The following EPAS1 variants were observed in gnomAD, a reference collection of about 807,000 sequenced individuals.
EPAS1 encodes endothelial PAS domain protein 1, also known as endothelial PAS domain-containing protein 1.
Under a neutral mutation model 87.9 loss-of-function variants are expected in EPAS1, and 23 were observed. That is an observed-to-expected ratio of 0.26 (90% CI 0.19 to 0.37). The LOEUF (loss-of-function observed/expected upper bound fraction) is 0.37. Ranked by LOEUF, EPAS1 falls within the 10% of genes least tolerant of loss-of-function variation. EPAS1 has a pLI of 1.00. For synonymous variants in EPAS1, 508 were observed against 444.3 expected (o/e 1.14, Z -1.80); for missense variants, 1,138 against 1,120.7 (o/e 1.02, Z -0.22).
At chr2:46,362,977 AGTGGTGGTGGTGGTGGTGGTGGTGGTG>A (rs75642579) in intron 6 of EPAS1, among the ~76,000 whole-genome samples, 15 of 104,338 alleles carry the variant, frequency 1.4e-4, no homozygotes, top group Non-Finnish European at 2.5e-4. Context: ...TGGTGGTGGT[AGTGGTGGTGGTGGTGGTGGTGGTGGTG>A]GTGGTGGTGG....
chr2:46,386,391 A>G lies in EPAS1; in HGVS notation c.*1731A>G, dbSNP rs183365220. The G allele has an allele frequency of 6.5e-6, 1 of 152,674 alleles. No individual in the cohort carries two copies. The allele number at this position is 152,674 out of a possible 1,614,324, so 9.5% of individuals were successfully genotyped here. On this transcript the variant is annotated 3_prime_UTR_variant, in exon 16 of 16. Transcript: ENST00000263734. ...CCTTAGTCATGGTGTTGCGTAAATC[A>G]TATTTTAGCTGCACGGCATTACCCC...
chr2:46,381,191 C>T, intron 12 of EPAS1: 3 of 363,476 alleles, frequency 8.3e-6, no homozygotes, highest in East Asian at 7.0e-5. Flanking sequence ...ATTTCACCAG[C>T]TGCGAGCTCA....
At chr2:46,355,812 G>C (rs1684257561) in intron 2 of EPAS1, among the ~76,000 whole-genome samples, 1 of 152,230 alleles carries the variant, frequency 6.6e-6, no homozygotes. Context: ...TCTGGGACAA[G>C]AGCTGAGTCT....
At chr2:46,361,153 T>C (rs1274720904) in intron 6 of EPAS1, 63 bp downstream of exon 6, 1 of 1,554,266 alleles carries the variant, frequency 6.4e-7, no homozygotes. Context: ...GTGTGGGGAG[T>C]TGTGCCTGTA....
intron 1 of EPAS1, among the ~76,000 whole-genome samples, chr2:46,301,427 A>G (rs1351183243): frequency 6.6e-6 from 1 of 152,020 alleles, no homozygotes; most frequent in South Asian, 2.1e-4. Context: ...ACACAAAAAA[A>G]TTAGCCGGGC....
chr2:46,334,721 A>G (rs1346957227), intron 1 of EPAS1, among the ~76,000 whole-genome samples: 1 of 152,266 alleles, frequency 6.6e-6, no homozygotes, highest in African/African-American at 2.4e-5. Context: ...AGCAGAGGGA[A>G]TAAGCCATTG....
intron 10 of EPAS1, among the ~76,000 whole-genome samples, chr2:46,378,332 G>A (rs1684804029): frequency 6.6e-6 from 1 of 152,208 alleles, no homozygotes; most frequent in Non-Finnish European, 1.5e-5. Context: ...CCCCATACAG[G>A]GCAGTAACAT....
intron 1 of EPAS1, among the ~76,000 whole-genome samples, chr2:46,327,463 G>C (rs1037768161): frequency 6.6e-6 from 1 of 152,128 alleles, no homozygotes; most frequent in East Asian, 1.9e-4. Flanking sequence ...CTAATGTTTA[G>C]AACCACAGAG....
chr2:46,335,557 A>G (rs561403209), intron 1 of EPAS1: 1 of 151,932 alleles, frequency 6.6e-6, no homozygotes, highest in African/African-American at 2.4e-5. Flanking sequence ...ATTTTTTCTA[A>G]TGTTATTACC....
chr2:46,356,041 A>G, intron 2 of EPAS1, 110 bp from the exon 3 acceptor site: 2 of 1,232,280 alleles, frequency 1.6e-6, no homozygotes, highest in South Asian at 1.2e-5. Context: ...CGTTTCCAGA[A>G]AAGTCCACCC....
At chr2:46,334,903 T>C (rs78211299) in intron 1 of EPAS1, among the ~76,000 whole-genome samples, 6,591 of 152,216 alleles carry the variant, frequency 0.043, 471 homozygotes, top group African/African-American at 0.15. Flanking sequence ...GAGGGCAGAA[T>C]TGGGGGAAAG....
chr2:46,298,901 C>G (rs1682939950), intron 1 of EPAS1, among the ~76,000 whole-genome samples: 1 of 152,230 alleles, frequency 6.6e-6, no homozygotes, highest in Non-Finnish European at 1.5e-5. Flanking sequence ...TGTCCCCTTT[C>G]TCCTCCTGTC....
Position 46,385,526 on chromosome 2 carries a change from T to C in EPAS1, c.*866T>C, listed in dbSNP as rs1684999163. 1 of 152,234 alleles carries C rather than the reference T, an allele frequency of 6.6e-6. No homozygotes were observed. Among genetic ancestry groups the C allele is most frequent in the African/African-American group, 2.4e-5 (1 of 41,456 alleles). 9.4% of individuals were successfully genotyped at this position (152,234 alleles called of 1,614,324 possible). A position where few individuals can be genotyped will look rare whatever the true frequency, so the allele number is the denominator to read the frequency against. On this transcript the variant is annotated 3_prime_UTR_variant, in exon 16 of 16. Transcript: ENST00000263734. ...TAATTTTTCTTAGTGTTGTGGACAC[T>C]GCAGACTTGTCCAGTGCTCCCACGG...
chr2:46,368,290 G>A (rs1455435781), intron 6 of EPAS1, among the ~76,000 whole-genome samples: 1 of 152,112 alleles, frequency 6.6e-6, no homozygotes, highest in Non-Finnish European at 1.5e-5. Context: ...GTCAGGGCTT[G>A]GAGAAGAGGG....
intron 1 of EPAS1, among the ~76,000 whole-genome samples, chr2:46,309,327 G>C (rs1683169254): frequency 6.6e-6 from 1 of 152,214 alleles, no homozygotes; most frequent in Admixed American, 6.5e-5. Flanking sequence ...GATGGACCCT[G>C]CACTCAGGAT....
In EPAS1 at chr2:46,329,033, A is replaced by C. The variant is rs374559749; in HGVS notation, c.27-17840A>C. On this transcript the variant is annotated intron_variant, in intron 1 of 15. Coordinates refer to ENST00000263734, the MANE Select transcript of EPAS1 (RefSeq NM_001430.5). Reference sequence around the variant, plus strand: ...CTAATGAGCCTCTGGGAAAGTGCTCACCTTTGAACTTGGCCAAGGATTATG... The same window carrying C: ...CTAATGAGCCTCTGGGAAAGTGCTCCCCTTTGAACTTGGCCAAGGATTATG... Among the ~76,000 whole-genome samples the C allele has an allele frequency of 4.6e-5, 7 of 152,246 alleles. No homozygotes were observed. The East Asian group carries it at 7.7e-4, about 17-fold the overall frequency.
At chr2:46,354,291 T>A (rs1684224829) in intron 2 of EPAS1, among the ~76,000 whole-genome samples, 1 of 152,222 alleles carries the variant, frequency 6.6e-6, no homozygotes, top group African/African-American at 2.4e-5. Context: ...TCCTTTTAGT[T>A]CAGTGAATGT....
chr2:46,298,957 T>G (rs10211665), intron 1 of EPAS1, among the ~76,000 whole-genome samples: 1 of 152,122 alleles, frequency 6.6e-6, no homozygotes, highest in African/African-American at 2.4e-5. Flanking sequence ...GCCCCGCGCT[T>G]GGCCGCGGCT....
intron 9 of EPAS1, 77 bp from the exon 10 acceptor site, chr2:46,377,817 C>T (rs7594430): frequency 1.0e-4 from 155 of 1,550,876 alleles, no homozygotes; most frequent in South Asian, 7.1e-4. Flanking sequence ...GCCTTCTCTG[C>T]GGTTTTTGGG....
Sources: allele counts gnomAD v4.1 joint callset (sites outside exome capture counted in the v4.1 genomes callset), GRCh38; gene constraint gnomAD v4.1.1; transcripts MANE v1.5; gene names NCBI Gene and HGNC (gene_info 2026-07-23, HGNC 2026-07-21).